The following MTCL2 variants were observed in gnomAD, a reference collection of about 807,000 sequenced individuals.
MTCL2 encodes the protein microtubule cross-linking factor 2.
chr20:36,793,513 G>A, the MTCL2 span: 1 of 1,551,710 alleles, frequency 6.4e-7, no homozygotes, highest in Non-Finnish European at 8.7e-7. This position sits in a 1 kb window ranked among gnomAD's most constrained non-coding sequence, Gnocchi z 6.8. Context: ...TGCCGTACTT[G>A]GGAGGCTCGG....
chr20:36,809,451 TGGCCCCAGGTCCCACA>T, the MTCL2 span, among the ~76,000 whole-genome samples: 330 of 152,226 alleles, frequency 2.2e-3, 1 homozygote, highest in Non-Finnish European at 3.6e-3. Flanking sequence ...AAAACAGGAC[TGGCCCCAGGTCCCACA>T]GGCCGCCAAT....
At chr20:36,844,244 AT>A in the MTCL2 span, among the ~76,000 whole-genome samples, 3 of 151,072 alleles carry the variant, frequency 2.0e-5, no homozygotes, top group Non-Finnish European at 3.0e-5. Flanking sequence ...TCAGAAAAAA[AT>A]AAAATAAAAT....
the MTCL2 span, among the ~76,000 whole-genome samples, chr20:36,806,651 C>G: frequency 2.6e-5 from 4 of 151,952 alleles, no homozygotes; most frequent in Non-Finnish European, 5.9e-5. Flanking sequence ...TCCTGAGTAG[C>G]TGGGACTACC....
At chr20:36,791,155 C>T in the MTCL2 span, among the ~76,000 whole-genome samples, 1 of 152,204 alleles carries the variant, frequency 6.6e-6, no homozygotes, top group South Asian at 2.1e-4. Context: ...CTGCCTCAGC[C>T]TCCTGAGTAG....
the MTCL2 span, among the ~76,000 whole-genome samples, chr20:36,858,010 G>A: frequency 3.3e-5 from 5 of 152,046 alleles, no homozygotes; most frequent in African/African-American, 1.2e-4. Context: ...CCCAGGCTCC[G>A]GGCCCCCAGC....
the MTCL2 span, among the ~76,000 whole-genome samples, chr20:36,806,214 G>A: frequency 6.6e-6 from 1 of 152,154 alleles, no homozygotes; most frequent in Non-Finnish European, 1.5e-5. Flanking sequence ...GCTACATAAG[G>A]GTGACCAAAG....
At chr20:36,841,874 G>GGTGTGTGTGTGTGTGTGTGTGT in the MTCL2 span, among the ~76,000 whole-genome samples, 6 of 110,864 alleles carry the variant, frequency 5.4e-5, no homozygotes, top group African/African-American at 1.6e-4. Flanking sequence ...TGGGGGGTGG[G>GGTGTGTGTGTGTGTGTGTGTGT]GTGTGTGTGT....
the MTCL2 span, chr20:36,810,113 G>C: frequency 6.3e-7 from 1 of 1,590,172 alleles, no homozygotes; most frequent in Non-Finnish European, 8.5e-7. Flanking sequence ...TTGATCTGTG[G>C]TACAGACAGG....
At chr20:36,815,026 C>A in the MTCL2 span, 2 of 1,181,218 alleles carry the variant, frequency 1.7e-6, no homozygotes, top group South Asian at 3.1e-5. This position sits in a 1 kb window ranked among gnomAD's most constrained non-coding sequence, Gnocchi z 5.3. Flanking sequence ...TGCACCACTG[C>A]ACTTCAGCCT....
chr20:36,808,732 G>C, the MTCL2 span: 2 of 1,592,736 alleles, frequency 1.3e-6, no homozygotes, highest in South Asian at 2.3e-5. Flanking sequence ...CCCTCTGCTG[G>C]TCCTCCTTCA....
chr20:36,805,822 CA>C, the MTCL2 span: 2 of 1,561,772 alleles, frequency 1.3e-6, no homozygotes, highest in Non-Finnish European at 1.7e-6. Flanking sequence ...TGAATGGACA[CA>C]ACAGGACCGG....
chr20:36,862,472 A>G, the MTCL2 span, among the ~76,000 whole-genome samples: 3 of 152,246 alleles, frequency 2.0e-5, no homozygotes, highest in East Asian at 1.9e-4. Flanking sequence ...GCGCTTCCCA[A>G]ATAAAGTTGA....
chr20:36,810,071 C>T, the MTCL2 span: 2,577 of 1,598,812 alleles, frequency 1.6e-3, 57 homozygotes, highest in East Asian at 0.044. Context: ...CGGAGGCTGT[C>T]GTGGGCCTCA....
chr20:36,806,910 C>T, the MTCL2 span, among the ~76,000 whole-genome samples: 2 of 152,308 alleles, frequency 1.3e-5, no homozygotes, highest in East Asian at 3.9e-4. Context: ...GAAAGGTTTT[C>T]ACCAAATGTG....
At chr20:36,833,348 G>C in the MTCL2 span, among the ~76,000 whole-genome samples, 1 of 152,252 alleles carries the variant, frequency 6.6e-6, no homozygotes, top group Admixed American at 6.5e-5. Context: ...GGGAGGCGCG[G>C]CAGCTGCGGC....
the MTCL2 span, among the ~76,000 whole-genome samples, chr20:36,846,568 C>T: frequency 5.3e-5 from 8 of 152,160 alleles, no homozygotes; most frequent in East Asian, 1.9e-4. Context: ...AGAAGGTAGA[C>T]GGCTTTCTAT....
the MTCL2 span, chr20:36,839,274 G>A: frequency 2.4e-5 from 38 of 1,611,042 alleles, no homozygotes; most frequent in Admixed American, 3.0e-4. The surrounding 1 kb of genome is among the most constrained non-coding windows in gnomAD (Gnocchi z 5.1). Flanking sequence ...CGGTCTGGGC[G>A]GCACGGAGAC....
the MTCL2 span, among the ~76,000 whole-genome samples, chr20:36,842,429 A>G: frequency 6.6e-6 from 1 of 152,246 alleles, no homozygotes; most frequent in Non-Finnish European, 1.5e-5. Flanking sequence ...TGGGAATGAT[A>G]ATACCTACTC....
the MTCL2 span, chr20:36,829,039 G>A: frequency 5.2e-6 from 8 of 1,535,474 alleles, no homozygotes; most frequent in Admixed American, 8.0e-5. Context: ...CCTGCTGGAT[G>A]CATGAGGTCC....
Sources: gnomAD v4.1 joint callset for allele counts (sites outside exome capture counted in the v4.1 genomes callset) on GRCh38, gnomAD v4.1.1 for gene constraint, Gnocchi (gnomAD v3.1) non-coding constraint, MANE v1.5 for transcripts, NCBI Gene and HGNC (gene_info 2026-07-23, HGNC 2026-07-21) for gene names.